The following ITPR3 variants were observed in gnomAD, a reference collection of about 807,000 sequenced individuals.
The protein encoded by ITPR3 is inositol 1,4,5-trisphosphate receptor type 3, also known as inositol 1,4,5-trisphosphate-gated calcium channel ITPR3.
Under a neutral mutation model 293.2 loss-of-function variants are expected in ITPR3, and 173 were observed. The ratio of observed to expected loss-of-function variants is 0.59; its 90% CI spans 0.52 to 0.67. The LOEUF is 0.67. Ranked by LOEUF, ITPR3 falls within the 30% of genes least tolerant of loss-of-function variation. The pLI, the probability that ITPR3 is intolerant of heterozygous loss-of-function variation, is 0.00. For synonymous variants in ITPR3, 1,295 were observed against 1,444.4 expected, an observed-to-expected ratio of 0.90 and a Z score of 2.35; for missense variants, 2,796 against 3,592.1, an observed-to-expected ratio of 0.78 and a Z score of 5.66.
chr6:33,640,434 T>G (rs768846079), intron 1 of ITPR3, 50 bp from the exon 2 acceptor site: 1 of 1,555,054 alleles, frequency 6.4e-7, no homozygotes. Flanking sequence ...AGGGATACTG[T>G]GGGAGATAGG....
intron 2 of ITPR3, among the ~76,000 whole-genome samples, chr6:33,651,612 G>C (rs1455069634): frequency 6.6e-6 from 1 of 152,212 alleles, no homozygotes; most frequent in Non-Finnish European, 1.5e-5. Context: ...AAAAGTCCAT[G>C]CTTCCGGGAA....
In ITPR3 at chr6:33,672,061, G is replaced by A; in HGVS notation, c.2761G>A (p.Gly921Arg). The change falls in exon 22 of 58, where the codon GGG (glycine) becomes AGG (arginine). Residue 921 changes from glycine to arginine, a missense_variant. Physicochemically the swap from Gly to Arg is moderately radical, Grantham distance 125 (BLOSUM62 -2). Coordinates refer to ENST00000605930, the MANE Select transcript of ITPR3 (RefSeq NM_002224.4). The surrounding 1 kb of genome is among the most constrained non-coding windows in gnomAD (Gnocchi z 5.0). Reference sequence around the variant, plus strand: ...TGTGCGGCGGTCCATCCAGGGCGTGGGGCACATGATGTCCACCATGGTGCT... The same window carrying A: ...TGTGCGGCGGTCCATCCAGGGCGTGAGGCACATGATGTCCACCATGGTGCT... ...KNVRRSIQGVGHMMSTMVLSR... is the reference protein window; with the variant it reads ...KNVRRSIQGVRHMMSTMVLSR... 6.2e-7 allele frequency: 1 copy of A among 1,612,192 alleles called. No individual in the cohort carries two copies. Among genetic ancestry groups the A allele is most frequent in the Non-Finnish European group, 8.5e-7 (1 of 1,178,910 alleles).
intron 7 of ITPR3, among the ~76,000 whole-genome samples, chr6:33,660,286 A>T (rs80243996): frequency 0.016 from 2,421 of 152,094 alleles, 62 homozygotes; most frequent in African/African-American, 0.054. Flanking sequence ...ATCAGCTGTG[A>T]AACCTGTTAG....
chr6:33,694,422 T>G, intron 56 of ITPR3: 1 of 198,700 alleles, frequency 5.0e-6, no homozygotes, highest in Non-Finnish European at 1.0e-5. Flanking sequence ...GACTCCTCTG[T>G]CCTGGGAAAC....
chr6:33,636,311 A>T lies in ITPR3; in HGVS notation c.90-4173A>T, dbSNP rs538546050. ...AGTAAGACTCTGTCTCAAAAAAATA[A>T]AAAATTAAAGGGATCCCCCTGCTTC... On this transcript the variant is annotated intron_variant, in intron 1 of 57. Coordinates refer to ENST00000605930, the MANE Select transcript of ITPR3 (RefSeq NM_002224.4). Among the ~76,000 whole-genome samples the T allele has an allele frequency of 3.9e-5, 6 of 151,910 alleles. No homozygotes were observed. The South Asian group carries it at 1.2e-3, about 32-fold the overall frequency.
intron 7 of ITPR3, among the ~76,000 whole-genome samples, chr6:33,659,827 G>T (rs1394213977): frequency 6.6e-6 from 1 of 152,138 alleles, no homozygotes; most frequent in East Asian, 1.9e-4. Context: ...TGGACTGGGG[G>T]TCTCCATCCC....
At position 33,693,605 on chromosome 6, in the gene ITPR3, A is replaced by T; in HGVS notation, c.7685A>T (p.Glu2562Val). The T allele has an allele frequency of 6.2e-7, 1 of 1,614,204 alleles. No individual in the cohort carries two copies. Among genetic ancestry groups the T allele is most frequent in the Non-Finnish European group, 8.5e-7 (1 of 1,180,026 alleles). The part of the protein sequence containing the change: ...TVSFEEHIKL[E>V]HNMWNYLYFI... ...TCATTTGAGGAACACATCAAGCTGG[A>T]GCACAACATGTGGAACTACTTGTAC... The change falls in exon 56 of 58, where the codon GAG becomes GTG. Residue 2562 changes from glutamate to valine, a missense_variant. Physicochemically the swap from Glu to Val is moderately radical, Grantham distance 121. Transcript: ENST00000605930.
chr6:33,667,168 G>A lies in ITPR3; in HGVS notation c.1591G>A (p.Gly531Ser). 6.2e-7 allele frequency: 1 copy of A among 1,614,166 alleles called. No individual in the cohort carries two copies. The highest frequency in any genetic ancestry group is 8.5e-7 in the Non-Finnish European group (1 of 1,179,990). The change falls in exon 15 of 58, where the codon GGT (glycine) becomes AGT (serine). Residue 531 changes from glycine to serine, a missense_variant. Transcript: ENST00000605930. The surrounding 1 kb of genome is among the most constrained non-coding windows in gnomAD (Gnocchi z 4.4). ...ILKAPFREKG[G>S]EGPLVRLEEL... ...GAAGGCCCCGTTCCGTGAGAAGGGGGGTGAAGGTCCCCTGGTGCGGCTGGA... is the reference window on the plus strand; with the variant it reads ...GAAGGCCCCGTTCCGTGAGAAGGGGAGTGAAGGTCCCCTGGTGCGGCTGGA...
intron 1 of ITPR3, among the ~76,000 whole-genome samples, chr6:33,636,578 G>T (rs1232175329): frequency 6.6e-6 from 1 of 151,928 alleles, no homozygotes; most frequent in East Asian, 1.9e-4. Flanking sequence ...AAGGTTTTTG[G>T]ACCAAGCAGT....
rs1243194977 is a variant in ITPR3, at chr6:33,664,289, C to G, written c.1148+409C>G. On this transcript the variant is annotated intron_variant, in intron 11 of 57. Coordinates refer to ENST00000605930, the MANE Select transcript of ITPR3 (RefSeq NM_002224.4). The surrounding 1 kb of genome is among the most constrained non-coding windows in gnomAD (Gnocchi z 4.4). Reference sequence around the variant, plus strand: ...TTTGGCGTGTCCTTAGCTGTATGACCTCAGGCTGCTACTCACTCTGCCTCC... The same window carrying G: ...TTTGGCGTGTCCTTAGCTGTATGACGTCAGGCTGCTACTCACTCTGCCTCC... 2.0e-5 allele frequency among the ~76,000 whole-genome samples: 3 copies of G among 152,114 alleles called. No individual in the cohort carries two copies. The highest frequency in any genetic ancestry group is 2.9e-5 in the Non-Finnish European group (2 of 68,026).
chr6:33,688,973 G>T (rs1006997455), intron 49 of ITPR3, among the ~76,000 whole-genome samples, 192 bp downstream of exon 49: 1 of 152,226 alleles, frequency 6.6e-6, no homozygotes, highest in African/African-American at 2.4e-5. Flanking sequence ...GATGGTCAGG[G>T]TCTTTGACCT....
chr6:33,694,352 C>G (rs1765477373), intron 56 of ITPR3: 1 of 165,300 alleles, frequency 6.0e-6, no homozygotes, highest in Admixed American at 6.3e-5. Context: ...ATCTGTTGGT[C>G]TGAGAATTCA....
At position 33,675,345 on chromosome 6, in the gene ITPR3, C is replaced by T. The variant is rs560348538; in HGVS notation, c.3117-346C>T. 6.6e-6 allele frequency among the ~76,000 whole-genome samples: 1 copy of T among 152,082 alleles called. No individual in the cohort carries two copies. The highest frequency in any genetic ancestry group is 2.1e-4 in the South Asian group (1 of 4,808). ...GCTGAAGCAGGAGAATCATTTGAAT[C>T]CGGGAGGTGGAGGTTGCAGTGAGCC... On this transcript the variant is annotated intron_variant, in intron 24 of 57. Transcript: ENST00000605930. This position sits in a 1 kb window ranked among gnomAD's most constrained non-coding sequence, Gnocchi z 5.0.
chr6:33,636,880 T>A (rs1458565239), intron 1 of ITPR3, among the ~76,000 whole-genome samples: 1 of 152,096 alleles, frequency 6.6e-6, no homozygotes, highest in African/African-American at 2.4e-5. Context: ...AAGCAGGTGC[T>A]GGAGGCCGGG....
intron 1 of ITPR3, among the ~76,000 whole-genome samples, chr6:33,623,975 C>T (rs144311559): frequency 5.4e-4 from 82 of 152,330 alleles, no homozygotes; most frequent in Middle Eastern, 6.8e-3. Flanking sequence ...ACCTGGAACT[C>T]CAGGTGCACC....
At chr6:33,689,871 G>A (rs1468244063) in intron 50 of ITPR3, among the ~76,000 whole-genome samples, 163 bp from the exon 51 acceptor site, 2 of 152,160 alleles carry the variant, frequency 1.3e-5, no homozygotes, top group Non-Finnish European at 2.9e-5. Flanking sequence ...AGGACCCAAG[G>A]GGCTGCCTCT....
At chr6:33,644,531 AAT>A (rs1764021894) in intron 2 of ITPR3, among the ~76,000 whole-genome samples, 3 of 152,006 alleles carry the variant, frequency 2.0e-5, no homozygotes, top group African/African-American at 7.2e-5. Flanking sequence ...ACTTGTCAGA[AAT>A]TGGTGTGCAT....
intron 27 of ITPR3, 67 bp downstream of exon 27, chr6:33,677,156 C>T: frequency 1.4e-6 from 2 of 1,429,694 alleles, no homozygotes; most frequent in Admixed American, 1.7e-5. Flanking sequence ...TCCCGCTGGC[C>T]CGGCCCCCTG....
intron 1 of ITPR3, among the ~76,000 whole-genome samples, chr6:33,634,610 T>G (rs1763776026): frequency 6.6e-6 from 1 of 152,076 alleles, no homozygotes; most frequent in Non-Finnish European, 1.5e-5. Context: ...GGTCCCTCCC[T>G]TCTCTAAGTG....
Sources: gnomAD v4.1 joint callset for allele counts (sites outside exome capture counted in the v4.1 genomes callset) on GRCh38, gnomAD v4.1.1 for gene constraint, Gnocchi (gnomAD v3.1) non-coding constraint, MANE v1.5 for transcripts, NCBI Gene and HGNC (gene_info 2026-07-23, HGNC 2026-07-21) for gene names.